Variants in ERBB4 observed in about 807,000 individuals in gnomAD.
The protein encoded by ERBB4 is erb-b2 receptor tyrosine kinase 4, also known as receptor tyrosine-protein kinase erbB-4.
In ERBB4, 42 loss-of-function variants were observed where a neutral mutation model predicts 158.0. The observed-to-expected ratio is 0.27, with a 90% CI of 0.21 to 0.34. The LOEUF (loss-of-function observed/expected upper bound fraction) is 0.34, where lower values mean the gene tolerates loss of function less well. Among genes scored for constraint, ERBB4 ranks in the 10% least tolerant of loss-of-function variants. The probability of loss-of-function intolerance (pLI) is 1.00; values close to 1 mark genes in which losing one functional copy is unlikely to be tolerated. For missense variants in ERBB4, 1,333 were observed against 1,624.1 expected, an observed-to-expected ratio of 0.82 and a Z score of 3.08; for synonymous variants, 583 against 558.7, an observed-to-expected ratio of 1.04 and a Z score of -0.61.
At chr2:212,475,726 T>A (rs1431676163) in intron 1 of ERBB4, among the ~76,000 whole-genome samples, 1 of 152,188 alleles carries the variant, frequency 6.6e-6, no homozygotes, top group African/African-American at 2.4e-5. Context: ...GAAAAAATAA[T>A]ATAACTCTGC....
At chr2:211,447,028 A>C (rs991882617) in intron 20 of ERBB4, among the ~76,000 whole-genome samples, 1 of 152,160 alleles carries the variant, frequency 6.6e-6, no homozygotes, top group African/African-American at 2.4e-5. Context: ...CAACATTCAC[A>C]AGTCATGGTA....
chr2:211,745,874 T>C lies in ERBB4; in HGVS notation c.622+4765A>G, dbSNP rs541136126. The stretch of plus-strand genomic sequence containing the variant: ...TCTCTTGGCTAATTTCAAATCCAGC[T>C]TCCTCGACTACTAAACTGTGTTACA... On this transcript the variant is annotated intron_variant, in intron 5 of 27. Coordinates refer to ENST00000342788, the MANE Select transcript of ERBB4 (RefSeq NM_005235.3). 1.6e-4 allele frequency among the ~76,000 whole-genome samples: 24 copies of C among 152,294 alleles called. No homozygotes were observed. The South Asian group carries it at 5.0e-3, about 32-fold the overall frequency.
chr2:211,695,495 A>G (rs2072982853), intron 12 of ERBB4, among the ~76,000 whole-genome samples: 1 of 152,198 alleles, frequency 6.6e-6, no homozygotes, highest in East Asian at 1.9e-4. Context: ...TCTGTTACTT[A>G]TCATAAAGCC....
chr2:212,113,114 T>C (rs777880468), intron 2 of ERBB4, among the ~76,000 whole-genome samples: 1 of 151,916 alleles, frequency 6.6e-6, no homozygotes, highest in Non-Finnish European at 1.5e-5. Context: ...GGGATGAAAA[T>C]ACAGATCGAA....
At position 211,431,043 on chromosome 2, in the gene ERBB4, C is replaced by G. The variant is rs760762277; in HGVS notation, c.2545G>C (p.Val849Leu). 1 of 1,613,934 alleles carries G rather than the reference C, an allele frequency of 6.2e-7. No homozygotes were observed. The highest frequency in any genetic ancestry group is 8.5e-7 in the Non-Finnish European group (1 of 1,179,796). Residue 849 changes from valine to leucine, a missense_variant, in exon 21 of 28, where the codon GTC becomes CTC. By Grantham distance (32) the Val-to-Leu change is conservative. This residue lies in a region of ERBB4 where 314 missense variants were observed against 437.6 expected (regional missense o/e 0.72). Transcript: ENST00000342788. ...LVHRDLAARN[V>L]LVKSPNHVKI... ...ACATGGTTTGGAGATTTCACTAAGACATTACGGGCTGCCAAATCCCGATGA... is the reference window on the plus strand; with the variant it reads ...ACATGGTTTGGAGATTTCACTAAGAGATTACGGGCTGCCAAATCCCGATGA...
intron 1 of ERBB4, among the ~76,000 whole-genome samples, chr2:212,413,134 A>ATTTTTTTTTTTTTTTTTTT (rs370397826): frequency 4.9e-5 from 5 of 101,256 alleles, no homozygotes; most frequent in Admixed American, 1.2e-4. Flanking sequence ...TGCGTGGCTA[A>ATTTTTTTTTTTTTTTTTTT]TTTTTTTTTT....
intron 1 of ERBB4, among the ~76,000 whole-genome samples, chr2:212,306,758 A>G (rs1339658122): frequency 6.6e-6 from 1 of 150,916 alleles, no homozygotes; most frequent in Non-Finnish European, 1.5e-5. Flanking sequence ...TAAAGTTTGG[A>G]TGCATTTATT....
chr2:211,818,132 T>G (rs1247478419), intron 3 of ERBB4, among the ~76,000 whole-genome samples: 1 of 152,188 alleles, frequency 6.6e-6, no homozygotes, highest in Admixed American at 6.5e-5. Context: ...TTGCTTCACA[T>G]GTCCAGCCAC....
chr2:211,780,089 C>T (rs931826401), intron 4 of ERBB4, among the ~76,000 whole-genome samples: 1 of 152,168 alleles, frequency 6.6e-6, no homozygotes, highest in Non-Finnish European at 1.5e-5. Context: ...AGGCTGGGCG[C>T]AGTGGCTCAT....
At chr2:212,395,761 A>C (rs112271765) in intron 1 of ERBB4, among the ~76,000 whole-genome samples, 2 of 151,800 alleles carry the variant, frequency 1.3e-5, no homozygotes, top group Non-Finnish European at 2.9e-5. Context: ...CTGGGACTAC[A>C]GACATGTGCC....
chr2:212,214,546 A>G (rs1263739551), intron 1 of ERBB4, among the ~76,000 whole-genome samples: 2 of 151,780 alleles, frequency 1.3e-5, no homozygotes, highest in East Asian at 3.9e-4. Flanking sequence ...AGGAAAATAC[A>G]TTTACAAATA....
intron 2 of ERBB4, among the ~76,000 whole-genome samples, chr2:212,028,538 G>C (rs1318296727): frequency 6.6e-6 from 1 of 152,068 alleles, no homozygotes; most frequent in East Asian, 1.9e-4. Flanking sequence ...AACTACCAAA[G>C]TACTTTTGTT....
chr2:212,484,354 T>C (rs899727564), intron 1 of ERBB4, among the ~76,000 whole-genome samples: 1 of 152,164 alleles, frequency 6.6e-6, no homozygotes, highest in Non-Finnish European at 1.5e-5. Context: ...TTCTCTAATC[T>C]TTTTATGAGT....
intron 7 of ERBB4, among the ~76,000 whole-genome samples, chr2:211,721,578 T>C (rs2074095456): frequency 1.4e-5 from 2 of 147,890 alleles, no homozygotes; most frequent in Non-Finnish European, 3.0e-5. Context: ...ACATACCCTT[T>C]ATATATATAC....
At chr2:211,875,044 A>AAC (rs2078460176) in intron 3 of ERBB4, among the ~76,000 whole-genome samples, 2 of 114,072 alleles carry the variant, frequency 1.8e-5, no homozygotes, top group Admixed American at 9.2e-5. Context: ...AAAAAAAAAA[A>AAC]AAAAAACAAA....
At chr2:211,990,521 TAAAA>T (rs139607167) in intron 2 of ERBB4, among the ~76,000 whole-genome samples, 12,667 of 113,168 alleles carry the variant, frequency 0.11, 697 homozygotes, top group Non-Finnish European at 0.16. Flanking sequence ...AAAATAAAAA[TAAAA>T]ATAAATAAAT....
chr2:211,694,782 T>C (rs193240000), intron 12 of ERBB4, among the ~76,000 whole-genome samples: 23 of 152,292 alleles, frequency 1.5e-4, no homozygotes, highest in African/African-American at 5.3e-4. Context: ...ACCCAAAGGA[T>C]GATTCTTCTA....
intron 20 of ERBB4, among the ~76,000 whole-genome samples, chr2:211,550,330 G>A (rs2125700100): frequency 6.6e-6 from 1 of 151,666 alleles, no homozygotes. Context: ...GCCCCTGATA[G>A]CCACCACTCT....
intron 3 of ERBB4, among the ~76,000 whole-genome samples, chr2:211,812,816 G>A (rs913790065): frequency 2.0e-5 from 3 of 152,232 alleles, no homozygotes; most frequent in Admixed American, 2.0e-4. Flanking sequence ...TGCTAGCAGT[G>A]AGCATGGCTC....
Sources: allele counts gnomAD v4.1 joint callset (sites outside exome capture counted in the v4.1 genomes callset), GRCh38; gene constraint gnomAD v4.1.1; regional missense constraint gnomAD v4.1.1; transcripts MANE v1.5; gene names NCBI Gene and HGNC (gene_info 2026-07-23, HGNC 2026-07-21).